Variants in MACROD2 observed in about 807,000 individuals in gnomAD.
MACROD2 encodes the protein ADP-ribose glycohydrolase MACROD2.
A neutral mutation model predicts 70.4 loss-of-function variants in MACROD2; 36 were observed. That is an observed-to-expected ratio of 0.51 (90% CI 0.39 to 0.68). The LOEUF (loss-of-function observed/expected upper bound fraction) is 0.68, where lower values mean the gene tolerates loss of function less well. Among genes scored for constraint, MACROD2 ranks in the 30% least tolerant of loss-of-function variants. MACROD2 has a pLI of 0.00. For missense variants in MACROD2, 496 were observed against 538.4 expected (o/e 0.92, Z 0.78); for synonymous variants, 172 against 178.8 (o/e 0.96, Z 0.30).
At chr20:14,184,338 G>C (rs2148733386) in intron 3 of MACROD2, among the ~76,000 whole-genome samples, 1 of 152,166 alleles carries the variant, frequency 6.6e-6, no homozygotes, top group South Asian at 2.1e-4. Flanking sequence ...GGTAACTGTA[G>C]GTGTGTGGTC....
intron 9 of MACROD2, among the ~76,000 whole-genome samples, chr20:15,874,293 T>A (rs2064634483): frequency 6.6e-6 from 1 of 152,132 alleles, no homozygotes; most frequent in Admixed American, 6.6e-5. Context: ...ATGTGCCATA[T>A]TTTCTTTATC....
chr20:14,845,569 A>G (rs1356297310), intron 5 of MACROD2, among the ~76,000 whole-genome samples: 1 of 152,086 alleles, frequency 6.6e-6, no homozygotes, highest in East Asian at 1.9e-4. Flanking sequence ...GAAAATCTCC[A>G]GCAAACCCAA....
intron 3 of MACROD2, among the ~76,000 whole-genome samples, chr20:14,425,392 G>A (rs190172084): frequency 2.4e-4 from 37 of 152,246 alleles, no homozygotes; most frequent in Admixed American, 1.2e-3. Context: ...TACAAATTAT[G>A]ATATAGCTCT....
At chr20:14,938,933 A>G (rs1318960049) in intron 5 of MACROD2, among the ~76,000 whole-genome samples, 2 of 111,794 alleles carry the variant, frequency 1.8e-5, no homozygotes, top group African/African-American at 5.9e-5. Flanking sequence ...TTTCATTGTT[A>G]AATCAGATTT....
chr20:15,352,362 G>C (rs1429867889), intron 6 of MACROD2, among the ~76,000 whole-genome samples: 1 of 152,010 alleles, frequency 6.6e-6, no homozygotes, highest in African/African-American at 2.4e-5. Context: ...TTCTGAATGA[G>C]GCTTATGTGA....
intron 4 of MACROD2, among the ~76,000 whole-genome samples, chr20:14,627,710 C>T (rs1053331273): frequency 1.1e-4 from 16 of 152,074 alleles, no homozygotes; most frequent in East Asian, 1.9e-4. Context: ...TCCAAGCACC[C>T]CCTTTGTGTG....
chr20:15,171,336 C>T (rs2076420604), intron 5 of MACROD2, among the ~76,000 whole-genome samples: 1 of 151,438 alleles, frequency 6.6e-6, no homozygotes, highest in African/African-American at 2.4e-5. Flanking sequence ...AGCTCCCTAT[C>T]CAAATTTGCC....
intron 5 of MACROD2, among the ~76,000 whole-genome samples, chr20:15,086,128 G>A (rs1381349298): frequency 1.3e-5 from 2 of 152,022 alleles, no homozygotes; most frequent in Non-Finnish European, 2.9e-5. Context: ...TCTGATGCAT[G>A]TTAACATCTG....
intron 4 of MACROD2, among the ~76,000 whole-genome samples, chr20:14,673,649 T>C (rs1039219495): frequency 2.6e-5 from 4 of 152,146 alleles, no homozygotes; most frequent in African/African-American, 9.7e-5. Flanking sequence ...CTGGGCACAG[T>C]GGCTCACACC....
At chr20:15,155,191 T>C (rs971371243) in intron 5 of MACROD2, among the ~76,000 whole-genome samples, 3 of 152,150 alleles carry the variant, frequency 2.0e-5, no homozygotes, top group South Asian at 4.1e-4. Flanking sequence ...AGATAATCAA[T>C]AGATGTTGCC....
At chr20:15,088,397 T>TTTTATATATA (rs1423606664) in intron 5 of MACROD2, among the ~76,000 whole-genome samples, 1 of 111,172 alleles carries the variant, frequency 9.0e-6, no homozygotes, top group African/African-American at 4.0e-5. Context: ...ATACTATATT[T>TTTTATATATA]TATATATATA....
At chr20:14,409,363 T>C (rs964298358) in intron 3 of MACROD2, among the ~76,000 whole-genome samples, 1 of 152,062 alleles carries the variant, frequency 6.6e-6, no homozygotes, top group Non-Finnish European at 1.5e-5. Flanking sequence ...TGCCAGGCAC[T>C]GTGTATATCA....
At chr20:15,712,710 G>A (rs6043476) in intron 8 of MACROD2, among the ~76,000 whole-genome samples, 13,333 of 152,090 alleles carry the variant, frequency 0.088, 922 homozygotes, top group African/African-American at 0.18. Context: ...AGAGCTTTAT[G>A]GTCTCCTAAC....
chr20:14,797,190 G>A (rs1237199961), intron 5 of MACROD2, among the ~76,000 whole-genome samples: 1 of 152,136 alleles, frequency 6.6e-6, no homozygotes, highest in African/African-American at 2.4e-5. Flanking sequence ...CACCTAGACT[G>A]TTGCGATATC....
In MACROD2 at chr20:15,560,689, G is replaced by C. The variant is rs115338182; in HGVS notation, c.645+60842G>C. 6.5e-3 allele frequency among the ~76,000 whole-genome samples: 937 copies of C among 143,056 alleles called. 6 individuals are homozygous for C. The highest frequency in any genetic ancestry group is 0.023 in the African/African-American group (876 of 38,576). The allele number at this position is 143,056 out of a possible 152,430, so 93.9% of individuals were successfully genotyped here. A position where few individuals can be genotyped will look rare whatever the true frequency, so the allele number is the denominator to read the frequency against. On this transcript the variant is annotated intron_variant, in intron 8 of 17. Coordinates refer to ENST00000684519, the MANE Select transcript of MACROD2 (RefSeq NM_001351661.2). ...GAGGCAGGAGAATCACTTGAATCTG[G>C]AAGGCAGAGGTTGCAGCAGGACTAG...
At chr20:14,468,078 T>C (rs1470539151) in intron 3 of MACROD2, among the ~76,000 whole-genome samples, 4 of 152,130 alleles carry the variant, frequency 2.6e-5, no homozygotes, top group Non-Finnish European at 4.4e-5. Context: ...GAGAAGAATG[T>C]ATATTCTGTA....
intron 3 of MACROD2, among the ~76,000 whole-genome samples, chr20:14,104,638 A>G (rs1267748001): frequency 6.6e-6 from 1 of 152,172 alleles, no homozygotes; most frequent in African/African-American, 2.4e-5. Flanking sequence ...GAAGCTCTCA[A>G]GTTTCTCCCC....
At chr20:15,384,924 T>C (rs1299590376) in intron 6 of MACROD2, among the ~76,000 whole-genome samples, 1 of 152,138 alleles carries the variant, frequency 6.6e-6, no homozygotes, top group Admixed American at 6.5e-5. Flanking sequence ...CCCCCCTCCT[T>C]AATCTGGCTC....
chr20:15,131,683 A>G (rs1568590760), intron 5 of MACROD2, among the ~76,000 whole-genome samples: 1 of 152,066 alleles, frequency 6.6e-6, no homozygotes, highest in Non-Finnish European at 1.5e-5. Flanking sequence ...CTTTTTAGAC[A>G]TTGAACTAGA....
Sources: gnomAD v4.1 joint callset for allele counts (sites outside exome capture counted in the v4.1 genomes callset) on GRCh38, gnomAD v4.1.1 for gene constraint, MANE v1.5 for transcripts, NCBI Gene and HGNC (gene_info 2026-07-23, HGNC 2026-07-21) for gene names.